TBC1D5: variants seen among roughly 807,000 people sequenced by gnomAD.
The protein encoded by TBC1D5 is TBC1 domain family, member 5.
Under a neutral mutation model 100.3 loss-of-function variants are expected in TBC1D5, and 75 were observed. That is an observed-to-expected ratio of 0.75 (90% CI 0.62 to 0.91). TBC1D5 has a LOEUF of 0.91. TBC1D5 is among the 40% of genes least tolerant of loss of function. TBC1D5 has a pLI of 0.00. For missense variants in TBC1D5, 910 were observed against 942.4 expected, an observed-to-expected ratio of 0.97 and a Z score of 0.45; for synonymous variants, 323 against 325.6, an observed-to-expected ratio of 0.99 and a Z score of 0.09.
chr3:17,292,299 G>C (rs1456311316), intron 14 of TBC1D5, among the ~76,000 whole-genome samples: 1 of 152,160 alleles, frequency 6.6e-6, no homozygotes, highest in African/African-American at 2.4e-5. Context: ...CATATTTATT[G>C]CCATTTATAT....
At chr3:17,475,174 G>GCC (rs146719921) in intron 3 of TBC1D5, among the ~76,000 whole-genome samples, 6 of 150,084 alleles carry the variant, frequency 4.0e-5, no homozygotes, top group African/African-American at 1.5e-4. Context: ...GTTCTACCTT[G>GCC]CCCCGCCCCA....
chr3:17,647,317 G>C (rs2065104057), intron 1 of TBC1D5, among the ~76,000 whole-genome samples: 1 of 152,094 alleles, frequency 6.6e-6, no homozygotes, highest in Non-Finnish European at 1.5e-5. Flanking sequence ...TCTAAAGACA[G>C]TGGTTAAACA....
At chr3:17,260,853 G>T (rs2078218668) in intron 15 of TBC1D5, among the ~76,000 whole-genome samples, 1 of 152,162 alleles carries the variant, frequency 6.6e-6, no homozygotes, top group Admixed American at 6.5e-5. Context: ...AAAATATTAT[G>T]ATTTTAACAT....
At chr3:17,675,662 A>C (rs924291530) in intron 1 of TBC1D5, among the ~76,000 whole-genome samples, 1 of 152,206 alleles carries the variant, frequency 6.6e-6, no homozygotes, top group African/African-American at 2.4e-5. Flanking sequence ...AAACTAAACA[A>C]AACATGATGA....
chr3:17,266,973 A>G (rs146402727), intron 15 of TBC1D5, among the ~76,000 whole-genome samples: 9 of 152,192 alleles, frequency 5.9e-5, no homozygotes, highest in Non-Finnish European at 1.2e-4. Context: ...GACACAGACA[A>G]AACCTCTGAA....
At chr3:17,179,037 TC>T (rs1296160735) in intron 19 of TBC1D5, among the ~76,000 whole-genome samples, 1 of 151,534 alleles carries the variant, frequency 6.6e-6, no homozygotes, top group East Asian at 2.0e-4. Flanking sequence ...ACCCTCGAAC[TC>T]CTGGCCTCAA....
At chr3:17,736,125 T>C (rs139046015) in intron 1 of TBC1D5, among the ~76,000 whole-genome samples, 3 of 152,190 alleles carry the variant, frequency 2.0e-5, no homozygotes, top group African/African-American at 7.2e-5. Flanking sequence ...AAGCCCTGTG[T>C]TTAAAGGCAG....
chr3:17,704,495 C>T (rs1299602853), intron 1 of TBC1D5, among the ~76,000 whole-genome samples: 11 of 128,468 alleles, frequency 8.6e-5, no homozygotes, highest in Admixed American at 4.7e-4. Context: ...CCAGTAGGGG[C>T]GGCCGGGCAG....
chr3:17,415,261 A>T (rs1037589735), intron 4 of TBC1D5, among the ~76,000 whole-genome samples: 2 of 152,046 alleles, frequency 1.3e-5, no homozygotes, highest in Non-Finnish European at 2.9e-5. Flanking sequence ...GGTTCAAACC[A>T]TTCTCCTGCC....
intron 3 of TBC1D5, among the ~76,000 whole-genome samples, chr3:17,446,906 G>T (rs900921305): frequency 6.6e-6 from 1 of 151,180 alleles, no homozygotes; most frequent in African/African-American, 2.4e-5. Context: ...GGGAGGCGGA[G>T]CTTGCAGTGA....
At chr3:17,654,087 T>C (rs112099875) in intron 1 of TBC1D5, among the ~76,000 whole-genome samples, 1,751 of 152,202 alleles carry the variant, frequency 0.012, 26 homozygotes, top group African/African-American at 0.039. Context: ...TAAACTAGTA[T>C]TGACATTTTC....
chr3:17,489,017 C>T (rs1258465926), intron 3 of TBC1D5, among the ~76,000 whole-genome samples: 1 of 151,244 alleles, frequency 6.6e-6, no homozygotes, highest in South Asian at 2.1e-4. Flanking sequence ...CACCGGACTC[C>T]GGTCCATGGA....
chr3:17,281,731 G>T (rs1360447630), intron 15 of TBC1D5, among the ~76,000 whole-genome samples: 1 of 152,122 alleles, frequency 6.6e-6, no homozygotes, highest in African/African-American at 2.4e-5. Flanking sequence ...GATTATTATA[G>T]TTATACAGTT....
At chr3:17,477,760 T>C (rs942981672) in intron 3 of TBC1D5, among the ~76,000 whole-genome samples, 2 of 152,048 alleles carry the variant, frequency 1.3e-5, no homozygotes, top group Non-Finnish European at 2.9e-5. Context: ...CCATAATAAA[T>C]GTTTACTATA....
chr3:17,368,952 A>T (rs1422479083), intron 13 of TBC1D5, among the ~76,000 whole-genome samples: 3 of 152,196 alleles, frequency 2.0e-5, no homozygotes, highest in Non-Finnish European at 4.4e-5. Flanking sequence ...TGAATGTAAA[A>T]CTAAATTAAC....
chr3:17,596,700 C>CAAAAAAA (rs34625799), intron 2 of TBC1D5, among the ~76,000 whole-genome samples: 11 of 44,914 alleles, frequency 2.4e-4, no homozygotes, highest in Non-Finnish European at 3.3e-4. Context: ...GACTCCATCT[C>CAAAAAAA]AAAAAAAAAA....
intron 1 of TBC1D5, among the ~76,000 whole-genome samples, chr3:17,715,297 C>T (rs1461239711): frequency 2.6e-5 from 4 of 152,106 alleles, no homozygotes; most frequent in African/African-American, 4.8e-5. Flanking sequence ...AGAGAATACT[C>T]GATCCTGATT....
At chr3:17,619,599 T>C (rs1274397858) in intron 2 of TBC1D5, among the ~76,000 whole-genome samples, 2 of 152,122 alleles carry the variant, frequency 1.3e-5, no homozygotes, top group Non-Finnish European at 2.9e-5. Context: ...AAACTGCAAA[T>C]GGATCAGAGA....
intron 2 of TBC1D5, among the ~76,000 whole-genome samples, chr3:17,519,841 TA>T (rs1384872478): frequency 6.6e-6 from 1 of 152,214 alleles, no homozygotes; most frequent in Non-Finnish European, 1.5e-5. Context: ...TCCATCTTAT[TA>T]TTTTTTTAAA....
Sources: gnomAD v4.1 joint callset for allele counts (sites outside exome capture counted in the v4.1 genomes callset) on GRCh38, gnomAD v4.1.1 for gene constraint, MANE v1.5 for transcripts, NCBI Gene and HGNC (gene_info 2026-07-23, HGNC 2026-07-21) for gene names.